The following ACOX3 variants were observed in gnomAD, a reference collection of about 807,000 sequenced individuals.
The protein encoded by ACOX3 is acyl-CoA oxidase 3, pristanoyl, also known as peroxisomal acyl-coenzyme A oxidase 3.
A neutral mutation model predicts 81.5 loss-of-function variants in ACOX3; 73 were observed. The ratio of observed to expected loss-of-function variants is 0.90; its 90% CI spans 0.74 to 1.09. The LOEUF (loss-of-function observed/expected upper bound fraction) is 1.09. ACOX3 is among the 50% of genes least tolerant of loss of function. The probability of loss-of-function intolerance (pLI) is 0.00; values close to 1 mark genes in which losing one functional copy is unlikely to be tolerated. For synonymous variants in ACOX3, 387 were observed against 375.1 expected (o/e 1.03, Z -0.37); for missense variants, 947 against 928.0 (o/e 1.02, Z -0.27).
chr4:8,388,424 G>A (rs2108850900), intron 13 of ACOX3, among the ~76,000 whole-genome samples: 1 of 152,386 alleles, frequency 6.6e-6, no homozygotes, highest in African/African-American at 2.4e-5. Flanking sequence ...AGGAACGCGA[G>A]AGCAGCTGCT....
Position 8,394,075 on chromosome 4 carries a change from G to A in ACOX3, c.1179+545C>T, listed in dbSNP as rs565308296. ...CGTTTCTCCTCTGCTTTCAAACACG[G>A]TTATTTCTTTTGATTCACATTTCAC... On this transcript the variant is annotated intron_variant, in intron 10 of 17. Coordinates refer to ENST00000356406, the MANE Select transcript of ACOX3 (RefSeq NM_003501.3). This position sits in a 1 kb window ranked among gnomAD's most constrained non-coding sequence, Gnocchi z 5.9. Among the ~76,000 whole-genome samples the A allele has an allele frequency of 6.6e-6, 1 of 152,182 alleles. No homozygotes were observed. The highest frequency in any genetic ancestry group is 1.5e-5 in the Non-Finnish European group (1 of 68,032).
rs1259103408 is a variant in ACOX3 at position 8,407,559 on chromosome 4, T to G, written c.688-1516A>C. ...ATGCTGTTTCGAGCGCCCTGCTTTG[T>G]GGTGCTTTGCTGTGGCAGCCATGAG... is the stretch of plus-strand genomic sequence containing the variant. On this transcript the variant is annotated intron_variant, in intron 6 of 17. Coordinates refer to ENST00000356406, the MANE Select transcript of ACOX3 (RefSeq NM_003501.3). The surrounding 1 kb of genome is among the most constrained non-coding windows in gnomAD (Gnocchi z 4.6). Among the ~76,000 whole-genome samples the G allele has an allele frequency of 6.6e-6, 1 of 152,186 alleles. No homozygotes were observed. Among genetic ancestry groups the G allele is most frequent in the Non-Finnish European group, 1.5e-5 (1 of 68,040 alleles).
In ACOX3 at chr4:8,431,533, G is replaced by A. The variant is rs1179590544; in HGVS notation, c.-15+9115C>T. 6.6e-6 allele frequency among the ~76,000 whole-genome samples: 1 copy of A among 152,230 alleles called. No individual in the cohort carries two copies. The highest frequency in any genetic ancestry group is 1.5e-5 in the Non-Finnish European group (1 of 68,038). ...TCGTGCTACACTCTGTTGTATTTGG[G>A]ACCTGGGTGGATGGAGATGCCACTG... On this transcript the variant is annotated intron_variant, in intron 1 of 17. Coordinates refer to ENST00000356406, the MANE Select transcript of ACOX3 (RefSeq NM_003501.3). This position sits in a 1 kb window ranked among gnomAD's most constrained non-coding sequence, Gnocchi z 5.3.
chr4:8,434,799 T>A (rs1011450810), intron 1 of ACOX3, among the ~76,000 whole-genome samples: 14 of 152,268 alleles, frequency 9.2e-5, no homozygotes, highest in African/African-American at 3.1e-4. Context: ...TGACTTGAAT[T>A]ACTTGATAAA....
In ACOX3 at chr4:8,382,469, C is replaced by T. The variant is rs1717790496; in HGVS notation, c.1538-862G>A. 6.6e-6 allele frequency among the ~76,000 whole-genome samples: 1 copy of T among 152,166 alleles called. No individual in the cohort carries two copies. The highest frequency in any genetic ancestry group is 1.5e-5 in the Non-Finnish European group (1 of 68,020). ...ATGTGAGGGAGGGGTGCAGACCACC[C>T]ACATGTGGAGGCCACGCTCACACCC... On this transcript the variant is annotated intron_variant, in intron 13 of 17. Transcript: ENST00000356406. This position sits in a 1 kb window ranked among gnomAD's most constrained non-coding sequence, Gnocchi z 4.1.
intron 15 of ACOX3, chr4:8,374,432 G>A (rs1369704626): frequency 6.5e-6 from 1 of 152,696 alleles, no homozygotes; most frequent in African/African-American, 2.4e-5. Flanking sequence ...AGAGACACAG[G>A]ACATGAATGG....
chr4:8,435,831 C>A (rs1249104430), intron 1 of ACOX3, among the ~76,000 whole-genome samples: 1 of 152,258 alleles, frequency 6.6e-6, no homozygotes, highest in Admixed American at 6.5e-5. Flanking sequence ...AACAGAAATT[C>A]TTTCTCCATA....
At chr4:8,438,053 A>G (rs949821787) in intron 1 of ACOX3, among the ~76,000 whole-genome samples, 1 of 152,258 alleles carries the variant, frequency 6.6e-6, no homozygotes, top group African/African-American at 2.4e-5. Context: ...AAAAAGAGCC[A>G]TACCTTGTGA....
Position 8,414,242 on chromosome 4 carries a change from G to T in ACOX3, c.543+50C>A. On this transcript the variant is annotated intron_variant, in intron 5 of 17. Transcript: ENST00000356406. This position sits in a 1 kb window ranked among gnomAD's most constrained non-coding sequence, Gnocchi z 6.1. ...TCTGGGCAACGGCATTTGCACTCAT[G>T]ACGTCTCATATGCTCCAAACTCAGG... is the stretch of plus-strand genomic sequence containing the variant. The T allele has an allele frequency of 6.8e-7, 1 of 1,480,548 alleles. No homozygotes were observed. Among genetic ancestry groups the T allele is most frequent in the Non-Finnish European group, 9.4e-7 (1 of 1,060,528 alleles). The allele number at this position is 1,480,548 out of a possible 1,614,324, so 91.7% of individuals were successfully genotyped here.
At chr4:8,439,878 C>T (rs534079874) in intron 1 of ACOX3, among the ~76,000 whole-genome samples, 1 of 152,346 alleles carries the variant, frequency 6.6e-6, no homozygotes, top group East Asian at 1.9e-4. Context: ...GCCCTCCTCC[C>T]TGCCACCTTG....
At position 8,414,151 on chromosome 4, in the gene ACOX3, T is replaced by C; in HGVS notation, c.543+141A>G. ...GCCCCACTTTTCAGTGTGATGAATC[T>C]CAGTGGGTATTTCTACACAAGTGTA... On this transcript the variant is annotated intron_variant, in intron 5 of 17. Transcript: ENST00000356406. This position sits in a 1 kb window ranked among gnomAD's most constrained non-coding sequence, Gnocchi z 6.1. The C allele has an allele frequency of 1.4e-6, 1 of 710,312 alleles. No homozygotes were observed. Among genetic ancestry groups the C allele is most frequent in the Non-Finnish European group, 2.4e-6 (1 of 412,266 alleles). 44.0% of individuals were successfully genotyped at this position (710,312 alleles called of 1,614,324 possible). A position where few individuals can be genotyped will look rare whatever the true frequency, so the allele number is the denominator to read the frequency against.
At chr4:8,408,517 C>T (rs188366065) in intron 6 of ACOX3, among the ~76,000 whole-genome samples, 262 of 152,228 alleles carry the variant, frequency 1.7e-3, no homozygotes, top group Middle Eastern at 0.014. Flanking sequence ...TAAAACACTG[C>T]GGCTCTATGT....
At chr4:8,356,123 C>T in the ACOX3 span, 1 of 230,506 alleles carries the variant, frequency 4.3e-6, no homozygotes, top group Non-Finnish European at 8.7e-6. Flanking sequence ...TGTCTGCAGG[C>T]CGGGCTTTGT....
chr4:8,374,368 C>T (rs543892497), intron 15 of ACOX3: 2 of 152,878 alleles, frequency 1.3e-5, no homozygotes, highest in Non-Finnish European at 1.5e-5. Flanking sequence ...CACCACCCTC[C>T]AGGGGGTAAA....
intron 14 of ACOX3, among the ~76,000 whole-genome samples, chr4:8,376,004 G>T (rs1463867371): frequency 6.6e-6 from 1 of 152,152 alleles, no homozygotes; most frequent in Admixed American, 6.6e-5. Flanking sequence ...CTGGCAGGAT[G>T]ATTGCTTTTC....
In ACOX3 at chr4:8,392,423, C is replaced by A. The variant is rs757360946; in HGVS notation, c.1210G>T (p.Ala404Ser). The change falls in exon 11 of 18, where the codon GCA becomes TCA. Residue 404 changes from alanine to serine, a missense_variant. Transcript: ENST00000356406. ...AELGREIHAL[A>S]SASKPLASWT... Reference sequence around the variant, plus strand: ...GAGGCCAGGGGCTTGCTGGCCGATGCCAGGGCGTGGATCTCACGTCCAAGC... The same window carrying A: ...GAGGCCAGGGGCTTGCTGGCCGATGACAGGGCGTGGATCTCACGTCCAAGC... 14 of 1,606,926 alleles carry A rather than the reference C, an allele frequency of 8.7e-6. No homozygotes were observed. Among genetic ancestry groups the A allele is most frequent in the Non-Finnish European group, 1.1e-5 (13 of 1,177,378 alleles).
In ACOX3 at chr4:8,394,468, C is replaced by A. The variant is rs1719440756; in HGVS notation, c.1179+152G>T. On this transcript the variant is annotated intron_variant, in intron 10 of 17. Transcript: ENST00000356406. This position sits in a 1 kb window ranked among gnomAD's most constrained non-coding sequence, Gnocchi z 5.9. ...CCAGCCCGTTCAATCGCGGCAGAGGCCAAGAGCTCCGAGTGGGTGGGAACA... is the reference window on the plus strand; with the variant it reads ...CCAGCCCGTTCAATCGCGGCAGAGGACAAGAGCTCCGAGTGGGTGGGAACA... 15 of 1,269,892 alleles carry A rather than the reference C, an allele frequency of 1.2e-5. No individual in the cohort carries two copies. Among genetic ancestry groups the A allele is most frequent in the Non-Finnish European group, 1.6e-5 (15 of 950,832 alleles). The allele number at this position is 1,269,892 out of a possible 1,614,324, so 78.7% of individuals were successfully genotyped here. A position where few individuals can be genotyped will look rare whatever the true frequency, so the allele number is the denominator to read the frequency against.
Position 8,381,586 on chromosome 4 carries a change from C to T in ACOX3, c.1559G>A (p.Trp520Ter). The T allele has an allele frequency of 1.9e-6, 3 of 1,613,788 alleles. No homozygotes were observed. Among genetic ancestry groups the T allele is most frequent in the Non-Finnish European group, 2.5e-6 (3 of 1,179,868 alleles). The change falls in exon 14 of 18, where the codon TGG (tryptophan) becomes TAG (stop). Residue 520 changes from tryptophan (W) to a stop codon, truncating the protein, a stop_gained. Coordinates refer to ENST00000356406, the MANE Select transcript of ACOX3 (RefSeq NM_003501.3). LOFTEE classifies it high-confidence loss of function. This position sits in a 1 kb window ranked among gnomAD's most constrained non-coding sequence, Gnocchi z 4.3. ...DSAVALAAYK[W>*]LVCYLLRETY... is the part of the protein sequence containing the mutation. ...CTCTCGGAGCAGGTAGCAAACCAGC[C>T]ACTTGTATGCTGCCAGGGCGACTTC...
Position 8,399,199 on chromosome 4 carries a change from G to A in ACOX3, c.873+357C>T, listed in dbSNP as rs1286425869. Among the ~76,000 whole-genome samples the A allele has an allele frequency of 2.6e-5, 4 of 152,188 alleles. No homozygotes were observed. Among genetic ancestry groups the A allele is most frequent in the Admixed American group, 6.5e-5 (1 of 15,286 alleles). On this transcript the variant is annotated intron_variant, in intron 8 of 17. Transcript: ENST00000356406. The surrounding 1 kb of genome is among the most constrained non-coding windows in gnomAD (Gnocchi z 4.9). ...AAGCCAGGCGTGAGTTCTGGACACCGGGGAACTCTGTTTGTCGTCCCCCTT... is the reference window on the plus strand; with the variant it reads ...AAGCCAGGCGTGAGTTCTGGACACCAGGGAACTCTGTTTGTCGTCCCCCTT...
Sources: allele counts gnomAD v4.1 joint callset (sites outside exome capture counted in the v4.1 genomes callset), GRCh38; gene constraint gnomAD v4.1.1; non-coding constraint Gnocchi (gnomAD v3.1); transcripts MANE v1.5; gene names NCBI Gene and HGNC (gene_info 2026-07-23, HGNC 2026-07-21).